CDH23: variants seen among roughly 807,000 people sequenced by gnomAD.
CDH23 encodes the protein cadherin related 23, also known as cadherin-23.
In CDH23, 189 loss-of-function variants were observed where a neutral mutation model predicts 317.1. The observed-to-expected ratio is 0.60, with a 90% CI of 0.53 to 0.67. CDH23 has a LOEUF of 0.67. Ranked by LOEUF, CDH23 falls within the 30% of genes least tolerant of loss-of-function variation. The pLI is 0.00. For missense variants in CDH23, 4,401 were observed against 4,592.4 expected, an observed-to-expected ratio of 0.96 and a Z score of 1.20; for synonymous variants, 1,839 against 1,876.8, an observed-to-expected ratio of 0.98 and a Z score of 0.52.
chr10:71,663,484 A>T (rs1048463314), intron 14 of CDH23, among the ~76,000 whole-genome samples: 5 of 150,608 alleles, frequency 3.3e-5, no homozygotes, highest in Admixed American at 3.3e-4. Context: ...TGGTCCCTGG[A>T]CTCCTCTCGG....
intron 6 of CDH23, among the ~76,000 whole-genome samples, chr10:71,562,288 C>G (rs1261579169): frequency 6.6e-6 from 1 of 152,202 alleles, no homozygotes; most frequent in East Asian, 1.9e-4. Flanking sequence ...ATCCCTTGCC[C>G]GTCCGGCCAC....
rs114204649 is a variant in CDH23 at position 71,623,065 on chromosome 10, G to A, written c.1134+5672G>A. 1,485 of 528,546 alleles carry A rather than the reference G, an allele frequency of 2.8e-3. 26 individuals are homozygous for A. In the African/African-American group the frequency reaches 0.029, roughly 10 times the overall value. The allele number at this position is 528,546 out of a possible 1,614,324, so 32.7% of individuals were successfully genotyped here. A position where few individuals can be genotyped will look rare whatever the true frequency, so the allele number is the denominator to read the frequency against. Reference sequence around the variant, plus strand: ...CTGCCACTGTGCTAGGTCCTGGGGGGACTGAGCTGAAGATGTAGCCTCTGC... The same window carrying A: ...CTGCCACTGTGCTAGGTCCTGGGGGAACTGAGCTGAAGATGTAGCCTCTGC... On this transcript the variant is annotated intron_variant, in intron 11 of 69. Coordinates refer to ENST00000224721, the MANE Select transcript of CDH23 (RefSeq NM_022124.6).
chr10:71,660,750 G>A lies in CDH23; in HGVS notation c.1449+14133G>A, dbSNP rs182279827. Among the ~76,000 whole-genome samples, 8 of 152,270 alleles carry A rather than the reference G, an allele frequency of 5.3e-5. No individual in the cohort carries two copies. In the East Asian group the frequency reaches 1.5e-3, roughly 29 times the overall value. On this transcript the variant is annotated intron_variant, in intron 14 of 69. Transcript: ENST00000224721. ...TGTGAAAGTTAGGGAAGGCATGGCT[G>A]TTTAGTCTCTGCCAGATCACCTCTG...
At chr10:71,678,638 C>T (rs544995842) in intron 16 of CDH23, among the ~76,000 whole-genome samples, 25 of 152,332 alleles carry the variant, frequency 1.6e-4, no homozygotes, top group African/African-American at 5.8e-4. Context: ...CTGTCCTGCC[C>T]TGCCCTCCCT....
At chr10:71,482,018 C>T (rs1035167574) in intron 3 of CDH23, among the ~76,000 whole-genome samples, 7 of 152,274 alleles carry the variant, frequency 4.6e-5, no homozygotes, top group African/African-American at 1.4e-4. Context: ...TTCCCACCCT[C>T]CCCGTCCAGA....
At chr10:71,468,850 C>T (rs1851376626) in intron 3 of CDH23, among the ~76,000 whole-genome samples, 1 of 152,210 alleles carries the variant, frequency 6.6e-6, no homozygotes, top group South Asian at 2.1e-4. Flanking sequence ...CCTTACTCCA[C>T]GCACGCCTCT....
At chr10:71,774,458 C>T (rs949571820) in intron 38 of CDH23, among the ~76,000 whole-genome samples, 2 of 152,220 alleles carry the variant, frequency 1.3e-5, no homozygotes, top group Non-Finnish European at 2.9e-5. Flanking sequence ...GTCCACACCC[C>T]CTTCAGCTAC....
chr10:71,628,323 C>T (rs1196126186), intron 11 of CDH23, among the ~76,000 whole-genome samples: 2 of 152,186 alleles, frequency 1.3e-5, no homozygotes, highest in Admixed American at 1.3e-4. Context: ...GAGAATAGTG[C>T]AGGGATGGGG....
intron 3 of CDH23, among the ~76,000 whole-genome samples, chr10:71,463,054 G>T (rs1851083247): frequency 6.6e-6 from 1 of 152,264 alleles, no homozygotes; most frequent in Admixed American, 6.5e-5. Context: ...ATGCCATGGG[G>T]AGGGGGGCGT....
chr10:71,805,925 C>A lies in CDH23; in HGVS notation c.7992C>A (p.Phe2664Leu). Reference protein sequence around the residue: ...KTAGNRDWEFFIIDPISGLIQ... With the variant: ...KTAGNRDWEFLIIDPISGLIQ... Reference sequence around the variant, plus strand: ...CGGGCAACCGGGACTGGGAGTTCTTCATCATCGACCCAATCAGCGGCCTCA... The same window carrying A: ...CGGGCAACCGGGACTGGGAGTTCTTAATCATCGACCCAATCAGCGGCCTCA... The change falls in exon 56 of 70, where the codon TTC (phenylalanine) becomes TTA (leucine). Residue 2664 changes from phenylalanine (F) to leucine (L), a missense_variant. Physicochemically the swap from Phe to Leu is conservative, Grantham distance 22. Transcript: ENST00000224721. 6.2e-7 allele frequency: 1 copy of A among 1,611,280 alleles called. No individual in the cohort carries two copies. Among genetic ancestry groups the A allele is most frequent in the Non-Finnish European group, 8.5e-7 (1 of 1,178,386 alleles).
chr10:71,468,941 C>G (rs1283856653), intron 3 of CDH23, among the ~76,000 whole-genome samples: 2 of 152,116 alleles, frequency 1.3e-5, no homozygotes, highest in Admixed American at 6.5e-5. Flanking sequence ...CTCTCAGGAG[C>G]TGTCTTTCTG....
chr10:71,606,256 C>T (rs138718272), intron 9 of CDH23, among the ~76,000 whole-genome samples: 118 of 152,294 alleles, frequency 7.7e-4, no homozygotes, highest in African/African-American at 2.5e-3. Context: ...AGCGGACTGC[C>T]GTTCACACCT....
chr10:71,633,614 G>A (rs1589280659), intron 11 of CDH23, among the ~76,000 whole-genome samples: 1 of 152,182 alleles, frequency 6.6e-6, no homozygotes, highest in African/African-American at 2.4e-5. Context: ...TCACTGGGAA[G>A]AGGACCCAAG....
chr10:71,458,218 G>A (rs1850794728), intron 3 of CDH23, among the ~76,000 whole-genome samples: 2 of 152,256 alleles, frequency 1.3e-5, no homozygotes, highest in Admixed American at 1.3e-4. Flanking sequence ...TGGAATAGGA[G>A]ATCAAGTTGT....
intron 53 of CDH23, among the ~76,000 whole-genome samples, chr10:71,801,797 T>C (rs973148989): frequency 2.0e-5 from 3 of 152,254 alleles, no homozygotes; most frequent in Non-Finnish European, 4.4e-5. Flanking sequence ...CATGCACATA[T>C]CCAAACCTCA....
chr10:71,540,266 C>A (rs1376512644), intron 6 of CDH23, among the ~76,000 whole-genome samples: 1 of 152,186 alleles, frequency 6.6e-6, no homozygotes, highest in Non-Finnish European at 1.5e-5. Context: ...TCAGCCCAGA[C>A]CCTGGACCAG....
At chr10:71,672,163 A>G (rs1864175484) in intron 14 of CDH23, among the ~76,000 whole-genome samples, 1 of 152,060 alleles carries the variant, frequency 6.6e-6, no homozygotes, top group Admixed American at 6.6e-5. Flanking sequence ...GGGAGGGCAG[A>G]AGGGTGTGAG....
Position 71,558,756 on chromosome 10 carries a change from C to G in CDH23, c.430-7986C>G, listed in dbSNP as rs113646413. Among the ~76,000 whole-genome samples the G allele has an allele frequency of 1.1e-3, 163 of 152,346 alleles. 1 individual carries two copies. Among genetic ancestry groups the G allele is most frequent in the African/African-American group, 3.9e-3 (161 of 41,566 alleles). On this transcript the variant is annotated intron_variant, in intron 6 of 69. Transcript: ENST00000224721. ...CATTATGGGATGATTGGAGGAGGAC[C>G]TGGCTGTTCTTTCGAGGGATCTGCA...
chr10:71,659,504 G>A (rs370282590), intron 14 of CDH23, among the ~76,000 whole-genome samples: 2 of 152,168 alleles, frequency 1.3e-5, no homozygotes, highest in South Asian at 2.1e-4. Flanking sequence ...CTGTACAGGG[G>A]ATAGTAGCTG....
Sources: gnomAD v4.1 joint callset for allele counts (sites outside exome capture counted in the v4.1 genomes callset) on GRCh38, gnomAD v4.1.1 for gene constraint, MANE v1.5 for transcripts, NCBI Gene and HGNC (gene_info 2026-07-23, HGNC 2026-07-21) for gene names.